The following NTRK3 variants were observed in gnomAD, a reference collection of about 807,000 sequenced individuals.
NTRK3 encodes the protein neurotrophic receptor tyrosine kinase 3, also known as NT-3 growth factor receptor.
NTRK3 carries 24 observed loss-of-function variants against 91.7 expected under a neutral mutation model. The observed-to-expected ratio is 0.26, with a 90% CI of 0.19 to 0.37. The LOEUF (loss-of-function observed/expected upper bound fraction) is 0.37, where lower values mean the gene tolerates loss of function less well. Among genes scored for constraint, NTRK3 ranks in the 10% least tolerant of loss-of-function variants. NTRK3 has a pLI of 1.00. For missense variants in NTRK3, 880 were observed against 1,068.9 expected (o/e 0.82, Z 2.46); for synonymous variants, 483 against 404.0 (o/e 1.20, Z -2.34).
intron 4 of NTRK3, 67 bp from the exon 5 acceptor site, chr15:88,183,556 G>A (rs2046699458): frequency 6.2e-6 from 9 of 1,455,502 alleles, no homozygotes; most frequent in African/African-American, 2.8e-5. Context: ...CTGGGCTGAG[G>A]CTGGCAGGGG....
chr15:88,239,079 G>T (rs1298966461), intron 3 of NTRK3, among the ~76,000 whole-genome samples: 1 of 152,164 alleles, frequency 6.6e-6, no homozygotes, highest in Non-Finnish European at 1.5e-5. Context: ...AGCACTATGA[G>T]CTCCAGGAAG....
intron 14 of NTRK3, among the ~76,000 whole-genome samples, chr15:87,973,832 C>G (rs921545781): frequency 6.6e-6 from 1 of 152,148 alleles, no homozygotes; most frequent in Non-Finnish European, 1.5e-5. Context: ...CCCTCTCCCC[C>G]TCCCTGTCTC....
intron 17 of NTRK3, among the ~76,000 whole-genome samples, chr15:87,902,349 C>T (rs892293651): frequency 2.0e-5 from 3 of 152,214 alleles, no homozygotes; most frequent in African/African-American, 7.2e-5. Context: ...CGAGGACAAG[C>T]CTTCACTACT....
chr15:87,935,337 T>C (rs1390100974), intron 15 of NTRK3, among the ~76,000 whole-genome samples: 1 of 152,168 alleles, frequency 6.6e-6, no homozygotes, highest in Non-Finnish European at 1.5e-5. Context: ...CCAGACCTCA[T>C]TCTATGTGTT....
At chr15:87,979,707 T>G (rs1022730145) in intron 14 of NTRK3, among the ~76,000 whole-genome samples, 2 of 152,070 alleles carry the variant, frequency 1.3e-5, no homozygotes, top group Non-Finnish European at 2.9e-5. Context: ...GCAAAACCTT[T>G]GGGGGCTTGG....
intron 5 of NTRK3, among the ~76,000 whole-genome samples, chr15:88,151,822 A>G (rs1036729697): frequency 1.3e-5 from 2 of 152,142 alleles, no homozygotes; most frequent in African/African-American, 4.8e-5. Context: ...TAGGATTTGC[A>G]TGTGTAAGGG....
chr15:88,168,189 A>T (rs150971097), intron 5 of NTRK3, among the ~76,000 whole-genome samples: 2 of 152,188 alleles, frequency 1.3e-5, no homozygotes, highest in East Asian at 3.9e-4. Flanking sequence ...TTCTAGCACA[A>T]CCCCATGACT....
chr15:88,028,500 G>A (rs1273099686), intron 14 of NTRK3, among the ~76,000 whole-genome samples: 1 of 152,100 alleles, frequency 6.6e-6, no homozygotes, highest in African/African-American at 2.4e-5. Context: ...TGGACCTTCA[G>A]GACAGAGACC....
At chr15:88,179,983 T>G (rs892758144) in intron 5 of NTRK3, among the ~76,000 whole-genome samples, 1 of 152,190 alleles carries the variant, frequency 6.6e-6, no homozygotes, top group Non-Finnish European at 1.5e-5. Flanking sequence ...GACAAAGAAG[T>G]GGTCAGAATA....
At chr15:87,868,303 G>C (rs969517276) in exon 19 of NTRK3, 2 of 228,006 alleles carry the variant, frequency 8.8e-6, no homozygotes, top group African/African-American at 4.4e-5. Context: ...AAGTCATCAA[G>C]ATTGCCTCCG....
At chr15:88,125,310 C>A (rs1004226222) in intron 13 of NTRK3, among the ~76,000 whole-genome samples, 11 of 152,216 alleles carry the variant, frequency 7.2e-5, no homozygotes, top group Admixed American at 2.0e-4. Flanking sequence ...TTCATGTACT[C>A]TTCTTCAGTC....
intron 3 of NTRK3, among the ~76,000 whole-genome samples, chr15:88,207,985 G>C (rs763810121): frequency 2.6e-5 from 4 of 152,152 alleles, no homozygotes; most frequent in Admixed American, 6.5e-5. Flanking sequence ...ACGGTGTGTG[G>C]ATCCCAAAGG....
At chr15:88,172,051 T>C (rs2045570270) in intron 5 of NTRK3, among the ~76,000 whole-genome samples, 1 of 152,180 alleles carries the variant, frequency 6.6e-6, no homozygotes, top group African/African-American at 2.4e-5. Flanking sequence ...GTGCATGACT[T>C]ACTCCATCTG....
chr15:87,909,714 A>G (rs960019787), intron 17 of NTRK3, among the ~76,000 whole-genome samples: 3 of 152,220 alleles, frequency 2.0e-5, no homozygotes, highest in Non-Finnish European at 2.9e-5. Context: ...AGAGCCTTAA[A>G]TGAGGTAACT....
intron 17 of NTRK3, 69 bp downstream of exon 17, chr15:87,929,122 A>G (rs2141906781): frequency 6.2e-7 from 1 of 1,612,636 alleles, no homozygotes; most frequent in Non-Finnish European, 8.5e-7. Flanking sequence ...GTTAATGGAC[A>G]ATGAAAAAGA....
At chr15:88,193,202 C>G (rs2047550396) in intron 3 of NTRK3, among the ~76,000 whole-genome samples, 4 of 152,150 alleles carry the variant, frequency 2.6e-5, no homozygotes, top group African/African-American at 7.2e-5. Flanking sequence ...CCCTGGCCCC[C>G]TGAGCAGCCC....
chr15:88,145,579 A>G (rs1356350497), intron 6 of NTRK3, among the ~76,000 whole-genome samples: 1 of 152,160 alleles, frequency 6.6e-6, no homozygotes, highest in East Asian at 1.9e-4. Context: ...TCCACGGAAC[A>G]ACTGTTTCTA....
intron 15 of NTRK3, among the ~76,000 whole-genome samples, chr15:87,936,297 C>T (rs1318770076): frequency 6.6e-6 from 1 of 152,148 alleles, no homozygotes; most frequent in Non-Finnish European, 1.5e-5. Flanking sequence ...CTAGAATTTG[C>T]CCTTCTTCTC....
At chr15:87,991,413 G>A (rs567041315) in intron 14 of NTRK3, among the ~76,000 whole-genome samples, 28 of 152,250 alleles carry the variant, frequency 1.8e-4, no homozygotes, top group South Asian at 8.3e-4. Flanking sequence ...TGCTCTAGCC[G>A]TCTGCTCCTC....
Sources: allele counts gnomAD v4.1 joint callset (sites outside exome capture counted in the v4.1 genomes callset), GRCh38; gene constraint gnomAD v4.1.1; transcripts MANE v1.5; gene names NCBI Gene and HGNC (gene_info 2026-07-23, HGNC 2026-07-21).